CCR1: variants seen among roughly 807,000 people sequenced by gnomAD.
CCR1 encodes C-C chemokine receptor type 1.
A neutral mutation model predicts 0.3 loss-of-function variants in CCR1; 1 was observed. The observed-to-expected ratio is 3.70, with a 90% CI of 1.31 to 17.54. The LOEUF is 17.54. CCR1 is among the 30% of genes most tolerant of loss of function. The pLI, the probability that CCR1 is intolerant of heterozygous loss-of-function variation, is 0.11. For synonymous variants in CCR1, 207 were observed against 182.5 expected (o/e 1.13, Z -1.08); for missense variants, 349 against 435.4 (o/e 0.80, Z 1.77).
At chr3:46,204,676 C>T (rs1294050184) in intron 1 of CCR1, among the ~76,000 whole-genome samples, 2 of 152,152 alleles carry the variant, frequency 1.3e-5, no homozygotes, top group African/African-American at 4.8e-5. Flanking sequence ...TCCTAAGCAC[C>T]CCCATGGCCT....
chr3:46,203,871 G>C lies in CCR1; in HGVS notation c.443C>G (p.Thr148Ser). Residue 148 changes from threonine (T) to serine (S), a missense_variant, in exon 2 of 2, where the codon ACT becomes AGT. Coordinates refer to ENST00000296140, the MANE Select transcript of CCR1 (RefSeq NM_001295.3). The surrounding 1 kb of genome is among the most constrained non-coding windows in gnomAD (Gnocchi z 4.5). ...AVFALRARTV[T>S]FGVITSIIIW... is the part of the protein sequence containing the mutation. The stretch of plus-strand genomic sequence containing the variant: ...GATGATGCTGGTGATGACACCAAAA[G>C]TGACGGTCCGTGCCCGCAAGGCAAA... 6.2e-7 allele frequency: 1 copy of C among 1,614,230 alleles called. No individual in the cohort carries two copies.
chr3:46,204,380 G>A (rs1699629360), intron 1 of CCR1, 56 bp from the exon 2 acceptor site: 18 of 1,129,416 alleles, frequency 1.6e-5, no homozygotes, highest in Non-Finnish European at 2.2e-5. Context: ...AAAGGCAGTG[G>A]GCACTGGACA....
intron 1 of CCR1, among the ~76,000 whole-genome samples, chr3:46,205,139 C>A (rs1699635755): frequency 6.6e-6 from 1 of 152,148 alleles, no homozygotes; most frequent in South Asian, 2.1e-4. Flanking sequence ...GATCATTCTA[C>A]CCCAAACACC....
At chr3:46,207,672 C>T (rs1383940098) in intron 1 of CCR1, among the ~76,000 whole-genome samples, 1 of 147,102 alleles carries the variant, frequency 6.8e-6, no homozygotes, top group Non-Finnish European at 1.5e-5. Context: ...TTCAGACAGA[C>T]TCTTGCTCTG....
rs1368754463 is a variant in CCR1 at position 46,203,862 on chromosome 3, A to G, written c.452T>C (p.Val151Ala). The change falls in exon 2 of 2, where the codon GTC (valine) becomes GCC (alanine). Residue 151 changes from valine to alanine, a missense_variant. Coordinates refer to ENST00000296140, the MANE Select transcript of CCR1 (RefSeq NM_001295.3). This position sits in a 1 kb window ranked among gnomAD's most constrained non-coding sequence, Gnocchi z 4.5. Reference sequence around the variant, plus strand: ...GGCCCAAATGATGATGCTGGTGATGACACCAAAAGTGACGGTCCGTGCCCG... The same window carrying G: ...GGCCCAAATGATGATGCTGGTGATGGCACCAAAAGTGACGGTCCGTGCCCG... Reference protein sequence around the residue: ...ALRARTVTFGVITSIIIWALA... With the variant: ...ALRARTVTFGAITSIIIWALA... 1 of 1,614,156 alleles carries G rather than the reference A, an allele frequency of 6.2e-7. No individual in the cohort carries two copies. The highest frequency in any genetic ancestry group is 2.2e-5 in the East Asian group (1 of 44,868).
At chr3:46,206,666 C>G (rs760915366) in intron 1 of CCR1, among the ~76,000 whole-genome samples, 3 of 152,210 alleles carry the variant, frequency 2.0e-5, no homozygotes, top group South Asian at 2.1e-4. Flanking sequence ...CCATACACCC[C>G]CTACCTCCAA....
Position 46,202,195 on chromosome 3 carries a change from C to T in CCR1, c.*1051G>A, listed in dbSNP as rs1157764976. On this transcript the variant is annotated 3_prime_UTR_variant, in exon 2 of 2. Coordinates refer to ENST00000296140, the MANE Select transcript of CCR1 (RefSeq NM_001295.3). ...CCCTATCAGCTACAAATACTGTCAGCTTACACAGCAGGCCTTATTATTATT... is the reference window on the plus strand; with the variant it reads ...CCCTATCAGCTACAAATACTGTCAGTTTACACAGCAGGCCTTATTATTATT... The T allele has an allele frequency of 6.6e-6, 1 of 151,936 alleles. No individual in the cohort carries two copies. The highest frequency in any genetic ancestry group is 1.5e-5 in the Non-Finnish European group (1 of 68,012). The allele number at this position is 151,936 out of a possible 1,614,324, so 9.4% of individuals were successfully genotyped here. A position where few individuals can be genotyped will look rare whatever the true frequency, so the allele number is the denominator to read the frequency against.
At position 46,204,028 on chromosome 3, in the gene CCR1, T is replaced by C; in HGVS notation, c.286A>G (p.Lys96Glu). ...TLPFWIDYKLKDDWVFGDAMC... is the reference protein window; with the variant it reads ...TLPFWIDYKLEDDWVFGDAMC... ...GCATCACCAAAAACCCAGTCATCCTTCAACTTGTAGTCGATCCAGAAGGGA... is the reference window on the plus strand; with the variant it reads ...GCATCACCAAAAACCCAGTCATCCTCCAACTTGTAGTCGATCCAGAAGGGA... Residue 96 changes from lysine to glutamate, a missense_variant, in exon 2 of 2, where the codon AAG becomes GAG. Physicochemically the swap from Lys to Glu is moderately conservative, Grantham distance 56. Coordinates refer to ENST00000296140, the MANE Select transcript of CCR1 (RefSeq NM_001295.3). 2 of 1,614,196 alleles carry C rather than the reference T, an allele frequency of 1.2e-6. No homozygotes were observed. The highest frequency in any genetic ancestry group is 1.7e-6 in the Non-Finnish European group (2 of 1,180,024).
At chr3:46,204,445 G>T in intron 1 of CCR1, 121 bp from the exon 2 acceptor site, 1 of 629,600 alleles carries the variant, frequency 1.6e-6, no homozygotes, top group Non-Finnish European at 2.7e-6. Flanking sequence ...TGTTTATTGA[G>T]TGCCTTCTGT....
In CCR1 at chr3:46,203,142, T is replaced by C. The variant is rs1575478414; in HGVS notation, c.*104A>G. ...TCTATCCCAAGTGGCTGTGACTCCA[T>C]GCTGTGCCAAGAGTCAGAACCTGGC... On this transcript the variant is annotated 3_prime_UTR_variant, in exon 2 of 2. Transcript: ENST00000296140. The surrounding 1 kb of genome is among the most constrained non-coding windows in gnomAD (Gnocchi z 4.5). The C allele has an allele frequency of 1.3e-6, 1 of 777,742 alleles. No individual in the cohort carries two copies. The highest frequency in any genetic ancestry group is 2.6e-5 in the East Asian group (1 of 38,712). The allele number at this position is 777,742 out of a possible 1,614,324, so 48.2% of individuals were successfully genotyped here.
intron 1 of CCR1, 39 bp downstream of exon 1, chr3:46,208,243 A>G (rs1420335427): frequency 6.6e-6 from 1 of 152,126 alleles, no homozygotes; most frequent in Non-Finnish European, 1.5e-5. Flanking sequence ...ACTGCCCTCC[A>G]CAGTAACAGA....
At chr3:46,205,012 T>C (rs2125920761) in intron 1 of CCR1, among the ~76,000 whole-genome samples, 1 of 152,226 alleles carries the variant, frequency 6.6e-6, no homozygotes, top group East Asian at 1.9e-4. Flanking sequence ...CAGCCGAGAG[T>C]GACCTAGTAC....
At chr3:46,206,782 G>A (rs1359469496) in intron 1 of CCR1, among the ~76,000 whole-genome samples, 2 of 152,174 alleles carry the variant, frequency 1.3e-5, no homozygotes, top group Admixed American at 6.5e-5. Context: ...AGAAACCAAA[G>A]GACCATGTTG....
At chr3:46,204,971 A>T (rs1699634015) in intron 1 of CCR1, among the ~76,000 whole-genome samples, 1 of 152,182 alleles carries the variant, frequency 6.6e-6, no homozygotes, top group South Asian at 2.1e-4. Flanking sequence ...ATACAAACAG[A>T]TATTCATGGC....
At position 46,204,291 on chromosome 3, in the gene CCR1, T is replaced by C. The variant is rs1180582234; in HGVS notation, c.23A>G (p.Glu8Gly). 2 of 1,588,376 alleles carry C rather than the reference T, an allele frequency of 1.3e-6. No individual in the cohort carries two copies. The highest frequency in any genetic ancestry group is 1.7e-6 in the Non-Finnish European group (2 of 1,169,510). The change falls in exon 2 of 2, where the codon GAG (glutamate) becomes GGG (glycine). Residue 8 changes from glutamate (E) to glycine (G), a missense_variant. By Grantham distance (98) the Glu-to-Gly change is moderately conservative. Coordinates refer to ENST00000296140, the MANE Select transcript of CCR1 (RefSeq NM_001295.3). METPNTT[E>G]DYDTTTEFDY... ...AAACTCTGTGGTCGTGTCATAGTCCTCTGTGGTGTTTGGAGTTTCCATCCC... is the reference window on the plus strand; with the variant it reads ...AAACTCTGTGGTCGTGTCATAGTCCCCTGTGGTGTTTGGAGTTTCCATCCC...
In CCR1 at chr3:46,203,087, A is replaced by G. The variant is rs938364936; in HGVS notation, c.*159T>C. 16 of 573,054 alleles carry G rather than the reference A, an allele frequency of 2.8e-5. No homozygotes were observed. The highest frequency in any genetic ancestry group is 3.1e-6 in the Non-Finnish European group (1 of 324,642). 35.5% of individuals were successfully genotyped at this position (573,054 alleles called of 1,614,324 possible). ...AAAAGACTGAAGCCCCAGAAGCCTC[A>G]GAAGCCCCAGGCCACCATTACATTC... On this transcript the variant is annotated 3_prime_UTR_variant, in exon 2 of 2. Coordinates refer to ENST00000296140, the MANE Select transcript of CCR1 (RefSeq NM_001295.3). The surrounding 1 kb of genome is among the most constrained non-coding windows in gnomAD (Gnocchi z 4.5).
At chr3:46,204,394 A>G in intron 1 of CCR1, 70 bp from the exon 2 acceptor site, 3 of 975,888 alleles carry the variant, frequency 3.1e-6, no homozygotes, top group Non-Finnish European at 4.4e-6. Context: ...CTGGACAGTA[A>G]AGACAAGGGA....
chr3:46,205,416 A>C (rs527935219), intron 1 of CCR1, among the ~76,000 whole-genome samples: 1 of 152,336 alleles, frequency 6.6e-6, no homozygotes, highest in Non-Finnish European at 1.5e-5. Context: ...GATGTTACAC[A>C]GTGACTAGCT....
Position 46,203,600 on chromosome 3 carries a change from G to A in CCR1, c.714C>T (p.Val238=), listed in dbSNP as rs1341747447. 1 of 1,613,972 alleles carries A rather than the reference G, an allele frequency of 6.2e-7. No homozygotes were observed. The highest frequency in any genetic ancestry group is 1.1e-5 in the South Asian group (1 of 91,062). Residue 238 remains valine, a synonymous_variant, in exon 2 of 2, where the codon GTC becomes GTT. Transcript: ENST00000296140. The surrounding 1 kb of genome is among the most constrained non-coding windows in gnomAD (Gnocchi z 4.5). The part of the protein sequence containing the change: ...RRPNEKKSKA[V]RLIFVIMIIF... The stretch of plus-strand genomic sequence containing the variant: ...TGATCATGATGACAAAAATCAAACG[G>A]ACAGCTTTGGATTTCTTCTCATTTG...
Sources: gnomAD v4.1 joint callset for allele counts (sites outside exome capture counted in the v4.1 genomes callset) on GRCh38, gnomAD v4.1.1 for gene constraint, Gnocchi (gnomAD v3.1) non-coding constraint, MANE v1.5 for transcripts, NCBI Gene and HGNC (gene_info 2026-07-23, HGNC 2026-07-21) for gene names.